Variants in GALNTL6 observed in about 807,000 individuals in gnomAD.
The protein encoded by GALNTL6 is polypeptide N-acetylgalactosaminyltransferase-like 6.
Under a neutral mutation model 73.7 loss-of-function variants are expected in GALNTL6, and 46 were observed. The observed-to-expected ratio is 0.62, with a 90% confidence interval of 0.49 to 0.80. GALNTL6 has a LOEUF of 0.80. Among genes scored for constraint, GALNTL6 ranks in the 30% least tolerant of loss-of-function variants. The pLI is 0.00. For missense variants in GALNTL6, 604 were observed against 755.0 expected (o/e 0.80, Z 2.34); for synonymous variants, 259 against 263.7 (o/e 0.98, Z 0.17).
In GALNTL6 at chr4:172,779,008, T is replaced by TACAC. The variant is rs36125820; in HGVS notation, c.554-30340_554-30337dup. Among the ~76,000 whole-genome samples, 413 of 150,400 alleles carry TACAC rather than the reference T, an allele frequency of 2.7e-3. 4 individuals carry two copies. The highest frequency in any genetic ancestry group is 9.6e-3 in the African/African-American group (396 of 41,072). Reference sequence around the variant, plus strand: ...TCTCTCTCTCACACACACACTCCCATACACACACACACACACTCACACACA... The same window carrying TACAC: ...TCTCTCTCTCACACACACACTCCCATACACACACACACACACACACTCACACACA... On this transcript the variant is annotated intron_variant, in intron 5 of 12. Coordinates refer to ENST00000506823, the MANE Select transcript of GALNTL6 (RefSeq NM_001034845.3).
intron 3 of GALNTL6, among the ~76,000 whole-genome samples, chr4:172,262,682 T>C (rs976151859): frequency 1.3e-5 from 2 of 151,136 alleles, no homozygotes; most frequent in African/African-American, 2.4e-5. Context: ...TGCCTAAATA[T>C]CTTGGTTTTT....
At chr4:171,854,960 A>G in intron 2 of GALNTL6, among the ~76,000 whole-genome samples, 1 of 152,186 alleles carries the variant, frequency 6.6e-6, no homozygotes, top group Admixed American at 6.5e-5. Flanking sequence ...AGCTGAGACG[A>G]CATCCTGGCT....
chr4:172,788,461 A>G (rs536780776), intron 5 of GALNTL6, among the ~76,000 whole-genome samples: 2 of 152,246 alleles, frequency 1.3e-5, no homozygotes, highest in South Asian at 4.1e-4. Context: ...TCACAAGATC[A>G]GGAGATCGAG....
At chr4:172,260,361 C>T (rs1328290265) in intron 3 of GALNTL6, among the ~76,000 whole-genome samples, 1 of 150,800 alleles carries the variant, frequency 6.6e-6, no homozygotes, top group Non-Finnish European at 1.5e-5. Flanking sequence ...TTTATTTTTG[C>T]AGTTATTATA....
chr4:172,620,232 G>A (rs1738902038), intron 5 of GALNTL6, among the ~76,000 whole-genome samples: 1 of 152,106 alleles, frequency 6.6e-6, no homozygotes, highest in Non-Finnish European at 1.5e-5. Context: ...ATATAAAAAG[G>A]GTGTAGTCTG....
chr4:172,813,447 C>A, intron 6 of GALNTL6, 93 bp from the exon 7 acceptor site: 2 of 978,494 alleles, frequency 2.0e-6, no homozygotes, highest in South Asian at 1.8e-5. Flanking sequence ...AAGCATTATG[C>A]ATTAGTGGAG....
intron 7 of GALNTL6, among the ~76,000 whole-genome samples, chr4:172,846,736 A>T (rs1156825438): frequency 6.6e-6 from 1 of 152,200 alleles, no homozygotes; most frequent in Non-Finnish European, 1.5e-5. Context: ...ACAGATCAAT[A>T]CCACAATAAT....
At chr4:172,892,193 A>G (rs141650103) in intron 8 of GALNTL6, among the ~76,000 whole-genome samples, 3 of 152,300 alleles carry the variant, frequency 2.0e-5, no homozygotes, top group African/African-American at 7.2e-5. Flanking sequence ...AGCTAGTGCA[A>G]TCCTTTGGAT....
intron 2 of GALNTL6, among the ~76,000 whole-genome samples, chr4:172,208,918 TG>T (rs1337893409): frequency 6.6e-6 from 1 of 152,142 alleles, no homozygotes; most frequent in Non-Finnish European, 1.5e-5. Flanking sequence ...TTTTTATCTT[TG>T]GGCAAAAATT....
chr4:172,289,327 A>G (rs1739378033), intron 3 of GALNTL6, among the ~76,000 whole-genome samples: 1 of 152,148 alleles, frequency 6.6e-6, no homozygotes, highest in Non-Finnish European at 1.5e-5. Flanking sequence ...ATTGTGTCCT[A>G]ACTACAGTCC....
At chr4:172,396,467 A>G (rs1198081172) in intron 5 of GALNTL6, among the ~76,000 whole-genome samples, 2 of 152,254 alleles carry the variant, frequency 1.3e-5, no homozygotes, top group South Asian at 4.1e-4. Context: ...AGCAACCCAT[A>G]GCTGTAGCTT....
intron 5 of GALNTL6, among the ~76,000 whole-genome samples, chr4:172,480,659 TG>T (rs1733419107): frequency 6.6e-6 from 1 of 152,180 alleles, no homozygotes; most frequent in South Asian, 2.1e-4. Context: ...ATAGTAAGAA[TG>T]TATTATTGTT....
At chr4:172,708,134 T>C (rs1734473171) in intron 5 of GALNTL6, among the ~76,000 whole-genome samples, 1 of 152,204 alleles carries the variant, frequency 6.6e-6, no homozygotes, top group Non-Finnish European at 1.5e-5. Context: ...CACTGCAACC[T>C]CTGCCTCCTG....
intron 5 of GALNTL6, among the ~76,000 whole-genome samples, chr4:172,462,461 C>T (rs337053): frequency 0.9 from 136,499 of 152,166 alleles, 61,343 homozygotes; most frequent in African/African-American, 0.96. Context: ...AAATCAAAAA[C>T]AGATAGCTTC....
intron 5 of GALNTL6, among the ~76,000 whole-genome samples, chr4:172,544,360 G>A (rs141016390): frequency 6.6e-6 from 1 of 152,264 alleles, no homozygotes; most frequent in African/African-American, 2.4e-5. Flanking sequence ...ATGAGTTGTG[G>A]TTCTCAAGGG....
intron 5 of GALNTL6, among the ~76,000 whole-genome samples, chr4:172,551,202 G>GT (rs1193797964): frequency 6.6e-6 from 1 of 152,034 alleles, no homozygotes; most frequent in Non-Finnish European, 1.5e-5. Context: ...ATTATAAAAC[G>GT]TTTTTTCTTC....
chr4:171,933,591 A>G (rs1738252022), intron 2 of GALNTL6, among the ~76,000 whole-genome samples: 1 of 151,874 alleles, frequency 6.6e-6, no homozygotes, highest in Non-Finnish European at 1.5e-5. Context: ...GGATTTATTT[A>G]GACTATTTTA....
chr4:172,796,672 G>A (rs1324976543), intron 5 of GALNTL6, among the ~76,000 whole-genome samples: 2 of 152,118 alleles, frequency 1.3e-5, no homozygotes, highest in Non-Finnish European at 2.9e-5. Context: ...GTCAAGAAAT[G>A]GGGCAATGCC....
At chr4:172,248,682 G>A (rs936407398) in intron 3 of GALNTL6, among the ~76,000 whole-genome samples, 1 of 152,066 alleles carries the variant, frequency 6.6e-6, no homozygotes, top group Non-Finnish European at 1.5e-5. Flanking sequence ...GGGATCCGGT[G>A]GGAGGTAATT....
Sources: gnomAD v4.1 joint callset for allele counts (sites outside exome capture counted in the v4.1 genomes callset) on GRCh38, gnomAD v4.1.1 for gene constraint, MANE v1.5 for transcripts, NCBI Gene and HGNC (gene_info 2026-07-23, HGNC 2026-07-21) for gene names.